Variants in PITPNA observed in about 807,000 individuals in gnomAD.
PITPNA encodes the protein phosphatidylinositol transfer protein alpha isoform.
A neutral mutation model predicts 50.3 loss-of-function variants in PITPNA; 13 were observed. The ratio of observed to expected loss-of-function variants is 0.26; its 90% CI spans 0.17 to 0.41. The LOEUF is 0.41. Ranked by LOEUF, PITPNA falls within the 10% of genes least tolerant of loss-of-function variation. PITPNA has a pLI of 1.00. For synonymous variants in PITPNA, 120 were observed against 119.6 expected (o/e 1.00, Z -0.02); for missense variants, 207 against 333.4 (o/e 0.62, Z 2.95).
At chr17:1,539,767 T>C (rs562857600) in intron 6 of PITPNA, among the ~76,000 whole-genome samples, 2 of 152,366 alleles carry the variant, frequency 1.3e-5, no homozygotes, top group South Asian at 4.1e-4. Flanking sequence ...GATGGAGTCT[T>C]GCTGCGACGC....
rs145661263 is a variant in PITPNA, at chr17:1,533,381, C to T, written c.768+718G>A. Among the ~76,000 whole-genome samples the T allele has an allele frequency of 4.2e-3, 647 of 152,320 alleles. 2 individuals are homozygous for T. Among genetic ancestry groups the T allele is most frequent in the Middle Eastern group, 0.014 (4 of 294 alleles). On this transcript the variant is annotated intron_variant, in intron 10 of 11. Transcript: ENST00000313486. ...TGAGCTCTCAGAGCCTCCACTTCCT[C>T]ATCTGAGGGTAGGGAGAGCAGCAGC...
chr17:1,540,880 C>T (rs561705935), intron 6 of PITPNA, among the ~76,000 whole-genome samples: 5 of 152,212 alleles, frequency 3.3e-5, no homozygotes, highest in Non-Finnish European at 5.9e-5. Context: ...CCACCGCACC[C>T]GGTCTAACGG....
chr17:1,542,950 T>G, intron 5 of PITPNA, 70 bp downstream of exon 5: 2 of 1,177,884 alleles, frequency 1.7e-6, no homozygotes, highest in South Asian at 1.3e-5. Flanking sequence ...AGACCACCAG[T>G]GCAGTTACAT....
intron 10 of PITPNA, among the ~76,000 whole-genome samples, chr17:1,526,081 C>T (rs923442679): frequency 3.9e-5 from 6 of 152,182 alleles, no homozygotes; most frequent in Non-Finnish European, 7.3e-5. Flanking sequence ...CATGAAAAAA[C>T]AAGACAAACC....
chr17:1,549,831 C>T (rs1319355199), intron 3 of PITPNA, among the ~76,000 whole-genome samples: 1 of 145,066 alleles, frequency 6.9e-6, no homozygotes, highest in South Asian at 2.1e-4. Context: ...TGCGCCACCA[C>T]GCCCAGCTAA....
intron 10 of PITPNA, 131 bp from the exon 11 acceptor site, chr17:1,521,776 T>G (rs1166969471): frequency 4.2e-6 from 3 of 719,442 alleles, no homozygotes; most frequent in Non-Finnish European, 5.0e-6. Flanking sequence ...ACGGAAGAAT[T>G]CTGCATATGG....
At chr17:1,550,272 T>A (rs912008734) in intron 3 of PITPNA, among the ~76,000 whole-genome samples, 1 of 152,180 alleles carries the variant, frequency 6.6e-6, no homozygotes, top group African/African-American at 2.4e-5. Flanking sequence ...TGTAAGTTCA[T>A]GCCATAATGC....
At chr17:1,545,915 GC>G (rs1205623387) in intron 4 of PITPNA, among the ~76,000 whole-genome samples, 1 of 112,962 alleles carries the variant, frequency 8.9e-6, no homozygotes, top group African/African-American at 3.7e-5. Flanking sequence ...ACTGCATACT[GC>G]CTTTTTTTTT....
At chr17:1,542,257 G>T (rs565600904) in intron 5 of PITPNA, among the ~76,000 whole-genome samples, 38 of 151,520 alleles carry the variant, frequency 2.5e-4, no homozygotes, top group African/African-American at 9.0e-4. Context: ...AAACAGTTTC[G>T]TCTGACTTCA....
At chr17:1,533,780 C>G (rs1425443698) in intron 10 of PITPNA, among the ~76,000 whole-genome samples, 2 of 152,180 alleles carry the variant, frequency 1.3e-5, no homozygotes, top group Admixed American at 6.5e-5. Flanking sequence ...TCACCTCCAG[C>G]TCTGCAGCCC....
At chr17:1,549,363 C>T (rs1009120865) in intron 3 of PITPNA, among the ~76,000 whole-genome samples, 2 of 146,994 alleles carry the variant, frequency 1.4e-5, no homozygotes, top group Non-Finnish European at 3.0e-5. Flanking sequence ...GTCACCCAAG[C>T]TGGAGTGTAG....
At chr17:1,541,992 A>T (rs1263739004) in intron 5 of PITPNA, among the ~76,000 whole-genome samples, 1 of 151,960 alleles carries the variant, frequency 6.6e-6, no homozygotes, top group Non-Finnish European at 1.5e-5. Flanking sequence ...TTGAGGTCAC[A>T]AGATCGAGAC....
chr17:1,536,436 C>T (rs547787067), intron 7 of PITPNA, among the ~76,000 whole-genome samples: 47 of 150,250 alleles, frequency 3.1e-4, no homozygotes, highest in South Asian at 8.5e-4. Context: ...GACAGGTGCC[C>T]GCCACCATGC....
Position 1,538,955 on chromosome 17 carries a change from G to A in PITPNA, c.373-3C>T, listed in dbSNP as rs138698218. ...GCCTCAGGCTCCAGCTTATGCACCT[G>A]TGGGAACAAGTGGGGAACCACTATG... is the stretch of plus-strand genomic sequence containing the variant. On this transcript the variant is annotated splice_region_variant and splice_polypyrimidine_tract_variant and intron_variant, in intron 6 of 11. Transcript: ENST00000313486. 1,314 of 1,599,534 alleles carry A rather than the reference G, an allele frequency of 8.2e-4. 2 individuals carry two copies. The highest frequency in any genetic ancestry group is 1.1e-3 in the Non-Finnish European group (1,272 of 1,166,836).
chr17:1,527,813 A>G (rs80171242), intron 10 of PITPNA, among the ~76,000 whole-genome samples: 6,449 of 152,318 alleles, frequency 0.042, 470 homozygotes, highest in African/African-American at 0.15. Flanking sequence ...GGTAAAGGGT[A>G]CATAGATCTT....
chr17:1,521,725 G>A (rs2075513995), intron 10 of PITPNA, 80 bp from the exon 11 acceptor site: 1 of 1,158,484 alleles, frequency 8.6e-7, no homozygotes, highest in Admixed American at 1.7e-5. Flanking sequence ...CCCATAGGTG[G>A]GGTGGGGCAT....
intron 1 of PITPNA, chr17:1,561,355 A>G (rs1306291519): frequency 6.6e-6 from 1 of 151,972 alleles, no homozygotes; most frequent in Admixed American, 6.6e-5. Context: ...ACCCCTCTTC[A>G]CTACTCAAGA....
At chr17:1,552,487 C>G (rs1193694445) in intron 3 of PITPNA, among the ~76,000 whole-genome samples, 2 of 152,150 alleles carry the variant, frequency 1.3e-5, no homozygotes, top group Admixed American at 6.6e-5. Context: ...AATGCTGATG[C>G]CTTTGATCCA....
chr17:1,531,906 C>T (rs952196948), intron 10 of PITPNA, among the ~76,000 whole-genome samples: 1 of 149,894 alleles, frequency 6.7e-6, no homozygotes, highest in Non-Finnish European at 1.5e-5. Flanking sequence ...AGGTCCTGCA[C>T]AGTTGCTGAA....
Sources: allele counts gnomAD v4.1 joint callset (sites outside exome capture counted in the v4.1 genomes callset), GRCh38; gene constraint gnomAD v4.1.1; transcripts MANE v1.5; gene names NCBI Gene and HGNC (gene_info 2026-07-23, HGNC 2026-07-21).